Variants in VPS53 observed in about 807,000 individuals in gnomAD.
VPS53 encodes vacuolar protein sorting-associated protein 53 homolog.
VPS53 carries 70 observed loss-of-function variants against 107.0 expected under a neutral mutation model. That is an observed-to-expected ratio of 0.65 (90% CI 0.54 to 0.80). The LOEUF (loss-of-function observed/expected upper bound fraction) is 0.80, where lower values mean the gene tolerates loss of function less well. VPS53 is among the 30% of genes least tolerant of loss of function. The pLI is 0.00. For synonymous variants in VPS53, 409 were observed against 393.3 expected (o/e 1.04, Z -0.47); for missense variants, 917 against 1,049.4 (o/e 0.87, Z 1.74).
chr17:702,276 T>C (rs1973228583), intron 2 of VPS53, among the ~76,000 whole-genome samples: 1 of 151,502 alleles, frequency 6.6e-6, no homozygotes, highest in Non-Finnish European at 1.5e-5. Context: ...ACTGATTGAG[T>C]CTGTAAATTC....
At chr17:528,288 AT>A (rs1354567335) in intron 19 of VPS53, among the ~76,000 whole-genome samples, 4 of 152,108 alleles carry the variant, frequency 2.6e-5, no homozygotes, top group African/African-American at 9.7e-5. Flanking sequence ...CCAACCATTA[AT>A]CCACTTTCTG....
At chr17:614,633 G>A (rs1243971589) in intron 11 of VPS53, among the ~76,000 whole-genome samples, 4 of 152,166 alleles carry the variant, frequency 2.6e-5, no homozygotes, top group Admixed American at 6.5e-5. Context: ...GGCAGAGCTG[G>A]AAAACCTGCC....
intron 5 of VPS53, chr17:657,362 CT>C (rs1971235804): frequency 1.3e-6 from 1 of 773,508 alleles, no homozygotes; most frequent in Admixed American, 1.8e-5. Context: ...TGCCATCGAT[CT>C]TAATGAACCG....
At chr17:579,810 C>T (rs2151879462) in intron 13 of VPS53, among the ~76,000 whole-genome samples, 1 of 151,722 alleles carries the variant, frequency 6.6e-6, no homozygotes, top group East Asian at 2.0e-4. Context: ...ACCCTCAGGA[C>T]CTAATGCGTT....
intron 13 of VPS53, among the ~76,000 whole-genome samples, chr17:577,249 C>T (rs939510853): frequency 6.6e-6 from 1 of 150,630 alleles, no homozygotes; most frequent in Non-Finnish European, 1.5e-5. Context: ...CCCAGAGAAC[C>T]TCTGTCAGAA....
intron 13 of VPS53, among the ~76,000 whole-genome samples, chr17:565,710 C>T (rs565204408): frequency 2.0e-5 from 3 of 152,100 alleles, no homozygotes; most frequent in Admixed American, 2.0e-4. Flanking sequence ...GGTCAGTGGG[C>T]CTCGCAACGG....
chr17:597,453 C>T (rs768781217), intron 12 of VPS53, among the ~76,000 whole-genome samples: 3 of 152,086 alleles, frequency 2.0e-5, no homozygotes, highest in Admixed American at 6.6e-5. Flanking sequence ...TAAGGGATGG[C>T]GTGGGTGGAG....
intron 7 of VPS53, among the ~76,000 whole-genome samples, chr17:635,005 A>C (rs1389072347): frequency 6.6e-6 from 1 of 151,346 alleles, no homozygotes. Context: ...AGTTTACATT[A>C]CCACCAACAG....
chr17:610,063 A>G (rs1335965187), intron 11 of VPS53, among the ~76,000 whole-genome samples: 4 of 151,532 alleles, frequency 2.6e-5, no homozygotes, highest in African/African-American at 9.7e-5. Flanking sequence ...CCCAGGAGGC[A>G]GAGCTTGCAG....
intron 5 of VPS53, among the ~76,000 whole-genome samples, chr17:658,025 T>TA (rs1192560871): frequency 5.5e-5 from 4 of 73,264 alleles, no homozygotes; most frequent in Non-Finnish European, 7.8e-5. Context: ...CGTGGATAGA[T>TA]ACATCCCACT....
At chr17:656,844 T>C (rs910523094) in intron 5 of VPS53, 8 of 1,590,162 alleles carry the variant, frequency 5.0e-6, no homozygotes, top group South Asian at 1.1e-5. Context: ...TCTTCAGCAA[T>C]GGTGAGGCGG....
intron 4 of VPS53, among the ~76,000 whole-genome samples, chr17:669,824 G>A (rs1188281922): frequency 4.6e-5 from 7 of 151,590 alleles, no homozygotes; most frequent in Non-Finnish European, 7.4e-5. Context: ...CCAGGGAGTC[G>A]GAGGTTGCAG....
At chr17:574,618 A>T (rs1914447485) in intron 13 of VPS53, among the ~76,000 whole-genome samples, 1 of 152,100 alleles carries the variant, frequency 6.6e-6, no homozygotes, top group South Asian at 2.1e-4. Context: ...TACAAAAATT[A>T]GCCAGGTGTG....
rs942578541 is a variant in VPS53 at position 537,065 on chromosome 17, G to A, written c.1978C>T (p.Arg660Cys). Residue 660 changes from arginine (R) to cysteine (C), a missense_variant, in exon 18 of 22, where the codon CGC becomes TGC. Coordinates refer to ENST00000437048, the MANE Select transcript of VPS53 (RefSeq NM_001128159.3). ...PIIRDNLAST[R>C]KYFTQFCVKF... ...ACGCAGAACTGAGTGAAGTACTTGC[G>A]TGTGGAAGCCAGGTTGTCACGGATG... is the stretch of plus-strand genomic sequence containing the variant. 6.2e-6 allele frequency: 10 copies of A among 1,614,198 alleles called. No homozygotes were observed. Among genetic ancestry groups the A allele is most frequent in the Non-Finnish European group, 7.6e-6 (9 of 1,180,034 alleles).
chr17:573,984 C>T (rs1284866436), intron 13 of VPS53, among the ~76,000 whole-genome samples: 1 of 152,166 alleles, frequency 6.6e-6, no homozygotes, highest in Non-Finnish European at 1.5e-5. Context: ...ATAGTGTGTG[C>T]ATGATATGGA....
chr17:672,546 A>C (rs773535758), intron 4 of VPS53, among the ~76,000 whole-genome samples: 2 of 152,238 alleles, frequency 1.3e-5, no homozygotes, highest in African/African-American at 2.4e-5. Context: ...CTTTGTAAAT[A>C]AGATGGCTAA....
intron 13 of VPS53, among the ~76,000 whole-genome samples, chr17:572,682 C>T (rs1701137): frequency 0.5 from 73,426 of 148,094 alleles, 19,533 homozygotes; most frequent in African/African-American, 0.69. Context: ...TGTTCTGTAC[C>T]AAGAAAAATT....
intron 13 of VPS53, among the ~76,000 whole-genome samples, chr17:563,681 C>A (rs571397989): frequency 6.6e-6 from 1 of 152,290 alleles, no homozygotes; most frequent in South Asian, 2.1e-4. Flanking sequence ...AAGTTGAGTA[C>A]CTTGTCCAGA....
At chr17:655,120 C>A (rs550109971) in intron 6 of VPS53, among the ~76,000 whole-genome samples, 1 of 152,140 alleles carries the variant, frequency 6.6e-6, no homozygotes, top group South Asian at 2.1e-4. Flanking sequence ...TGTCCACATA[C>A]GGAATCACAC....
Sources: allele counts gnomAD v4.1 joint callset (sites outside exome capture counted in the v4.1 genomes callset), GRCh38; gene constraint gnomAD v4.1.1; transcripts MANE v1.5; gene names NCBI Gene and HGNC (gene_info 2026-07-23, HGNC 2026-07-21).